MTUS1: variants seen among roughly 807,000 people sequenced by gnomAD.
MTUS1 encodes the protein microtubule-associated tumor suppressor 1.
Under a neutral mutation model 120.8 loss-of-function variants are expected in MTUS1, and 109 were observed. The observed-to-expected ratio is 0.90, with a 90% confidence interval of 0.77 to 1.06. The LOEUF (loss-of-function observed/expected upper bound fraction) is 1.06. MTUS1 is among the 50% of genes least tolerant of loss of function. The pLI is 0.00. For synonymous variants in MTUS1, 737 were observed against 550.5 expected (o/e 1.34, Z -4.74); for missense variants, 2,210 against 1,486.3 (o/e 1.49, Z -8.01).
In MTUS1 at chr8:17,653,772, A is replaced by C. The variant is rs1807579666; in HGVS notation, c.3215-274T>G. On this transcript the variant is annotated intron_variant, in intron 10 of 14. Coordinates refer to ENST00000693296, the MANE Select transcript of MTUS1 (RefSeq NM_001363059.2). ...GCCATGCGACCTTAGGACAACACTG[A>C]GTGCCATTTCAGGGCAGGCTCTCAT... 1.3e-5 allele frequency: 4 copies of C among 316,264 alleles called. No individual in the cohort carries two copies. In the East Asian group the frequency reaches 2.3e-4, roughly 19 times the overall value. 19.6% of individuals were successfully genotyped at this position (316,264 alleles called of 1,614,324 possible). A position where few individuals can be genotyped will look rare whatever the true frequency, so the allele number is the denominator to read the frequency against.
intron 6 of MTUS1, among the ~76,000 whole-genome samples, chr8:17,686,376 A>T (rs1390154243): frequency 1.3e-5 from 2 of 152,250 alleles, no homozygotes; most frequent in Non-Finnish European, 2.9e-5. Context: ...ATTATCTGAT[A>T]ACTCATTTTA....
intron 1 of MTUS1, among the ~76,000 whole-genome samples, chr8:17,768,532 TAA>T (rs11302658): frequency 1.9e-4 from 29 of 150,366 alleles, no homozygotes; most frequent in Admixed American, 2.7e-4. Context: ...TATGCCATGG[TAA>T]AAAAAAAAAA....
At chr8:17,747,986 G>T (rs927445566) in intron 2 of MTUS1, 1 of 152,130 alleles carries the variant, frequency 6.6e-6, no homozygotes, top group Non-Finnish European at 1.5e-5. Context: ...AGAACAGCAT[G>T]GCAAAGACCT....
At chr8:17,712,125 T>C (rs1186599802) in intron 6 of MTUS1, among the ~76,000 whole-genome samples, 2 of 152,200 alleles carry the variant, frequency 1.3e-5, no homozygotes, top group African/African-American at 4.8e-5. Context: ...AGTGAGCAAC[T>C]GCTGTTGGAA....
In MTUS1 at chr8:17,748,525, G is replaced by A. The variant is rs565533296; in HGVS notation, c.2092-4726C>T. On this transcript the variant is annotated intron_variant, in intron 2 of 14. Transcript: ENST00000693296. ...CACACAGTGAGGCAAAGGGCCCACTGAGCTGATGACACACCGGTGTCCATG... is the reference window on the plus strand; with the variant it reads ...CACACAGTGAGGCAAAGGGCCCACTAAGCTGATGACACACCGGTGTCCATG... 2.6e-5 allele frequency among the ~76,000 whole-genome samples: 4 copies of A among 152,266 alleles called. No individual in the cohort carries two copies. In the East Asian group the frequency reaches 7.8e-4, roughly 30 times the overall value.
chr8:17,689,707 G>C (rs1010931738), intron 6 of MTUS1, among the ~76,000 whole-genome samples: 1 of 152,086 alleles, frequency 6.6e-6, no homozygotes, highest in African/African-American at 2.4e-5. Flanking sequence ...CAGTGGAAGA[G>C]AACAGAGAAC....
At chr8:17,798,041 C>T (rs749016902) in intron 1 of MTUS1, among the ~76,000 whole-genome samples, 16 of 152,014 alleles carry the variant, frequency 1.1e-4, no homozygotes, top group Admixed American at 2.0e-4. Flanking sequence ...CCGTATGAAA[C>T]CACAATAATG....
chr8:17,791,790 C>T (rs10102857), intron 1 of MTUS1, among the ~76,000 whole-genome samples: 106,583 of 152,058 alleles, frequency 0.7, 38,909 homozygotes, highest in Non-Finnish European at 0.82. Context: ...CCAAGCAACA[C>T]CTCCAAGGCT....
intron 1 of MTUS1, among the ~76,000 whole-genome samples, chr8:17,766,654 G>C (rs2049524971): frequency 2.0e-5 from 3 of 152,142 alleles, no homozygotes; most frequent in African/African-American, 4.8e-5. Flanking sequence ...TATTGTCCTG[G>C]TTTTCTGGTG....
At chr8:17,730,961 T>A (rs147251607) in intron 3 of MTUS1, among the ~76,000 whole-genome samples, 1,725 of 149,944 alleles carry the variant, frequency 0.012, 12 homozygotes, top group South Asian at 0.029. Context: ...ATTGTTAAAA[T>A]GGCACATTCT....
chr8:17,780,945 T>C (rs1160963894), intron 1 of MTUS1: 2 of 152,180 alleles, frequency 1.3e-5, no homozygotes, highest in Non-Finnish European at 2.9e-5. Context: ...ACAAATCAGA[T>C]GACACAGCTT....
intron 6 of MTUS1, among the ~76,000 whole-genome samples, chr8:17,689,539 C>A (rs563799821): frequency 1.1e-3 from 161 of 152,200 alleles, no homozygotes; most frequent in Non-Finnish European, 1.4e-3. Flanking sequence ...CAGGAAAAAA[C>A]CAAATTTCTC....
intron 1 of MTUS1, among the ~76,000 whole-genome samples, chr8:17,793,478 T>C (rs2051966752): frequency 1.3e-5 from 2 of 152,192 alleles, no homozygotes; most frequent in South Asian, 4.1e-4. Flanking sequence ...TAGCTGTGAC[T>C]ATCTGACAAA....
chr8:17,713,722 T>C (rs1283232926), intron 5 of MTUS1, among the ~76,000 whole-genome samples: 2 of 152,060 alleles, frequency 1.3e-5, no homozygotes, highest in African/African-American at 4.8e-5. Flanking sequence ...AAATATAAAA[T>C]CAGGAGGGGT....
intron 2 of MTUS1, among the ~76,000 whole-genome samples, chr8:17,751,317 A>G (rs2048170569): frequency 6.6e-6 from 1 of 152,120 alleles, no homozygotes. Flanking sequence ...GAAAATTAAC[A>G]TCCCTCCAGC....
chr8:17,688,458 C>T (rs1409871310), intron 6 of MTUS1, among the ~76,000 whole-genome samples: 1 of 152,208 alleles, frequency 6.6e-6, no homozygotes, highest in Non-Finnish European at 1.5e-5. Context: ...CTTTCTACAA[C>T]ATATTGCATT....
intron 8 of MTUS1, among the ~76,000 whole-genome samples, chr8:17,658,996 T>C (rs775299985): frequency 2.6e-5 from 4 of 152,038 alleles, no homozygotes; most frequent in African/African-American, 4.8e-5. Context: ...ACAAAAACTA[T>C]TTCTCGTTGC....
chr8:17,723,743 G>A lies in MTUS1; in HGVS notation c.2378C>T (p.Ala793Val), dbSNP rs199774678. The A allele has an allele frequency of 1.9e-5, 30 of 1,610,596 alleles. No homozygotes were observed. Among genetic ancestry groups the A allele is most frequent in the Admixed American group, 6.7e-5 (4 of 59,870 alleles). Reference protein sequence around the residue: ...PKSKASLKSPALRRTGSTPSI... With the variant: ...PKSKASLKSPVLRRTGSTPSI... The stretch of plus-strand genomic sequence containing the variant: ...GGGGGTGCTTCCTGTCCTCCGCAGC[G>A]CAGGACTTTTCAAAGATGCTTTGGA... Residue 793 changes from alanine to valine, a missense_variant, in exon 4 of 15, where the codon GCG (alanine) becomes GTG (valine). Ala to Val is a moderately conservative substitution (Grantham distance 64). Transcript: ENST00000693296.
chr8:17,742,450 C>A (rs1055665927), intron 3 of MTUS1, among the ~76,000 whole-genome samples: 3 of 152,104 alleles, frequency 2.0e-5, no homozygotes, highest in Admixed American at 2.0e-4. Flanking sequence ...TGCCTTGACT[C>A]CCCAGGTGTG....
Sources: allele counts gnomAD v4.1 joint callset (sites outside exome capture counted in the v4.1 genomes callset), GRCh38; gene constraint gnomAD v4.1.1; transcripts MANE v1.5; gene names NCBI Gene and HGNC (gene_info 2026-07-23, HGNC 2026-07-21).